The following S100P variants were observed in gnomAD, a reference collection of about 807,000 sequenced individuals.
The protein encoded by S100P is S100 calcium binding protein P, also known as protein S100-P.
In S100P, 7 loss-of-function variants were observed where a neutral mutation model predicts 4.7. The observed-to-expected ratio is 1.48, with a 90% CI of 0.84 to 2.77. S100P has a LOEUF of 2.77. Among genes scored for constraint, S100P ranks in the 30% most tolerant of loss-of-function variants. S100P has a pLI of 0.00. For missense variants in S100P, 122 were observed against 120.6 expected, an observed-to-expected ratio of 1.01 and a Z score of -0.06; for synonymous variants, 48 against 49.0, an observed-to-expected ratio of 0.98 and a Z score of 0.08.
chr4:6,696,462 G>A (rs1293950661), intron 1 of S100P, among the ~76,000 whole-genome samples: 1 of 152,204 alleles, frequency 6.6e-6, no homozygotes, highest in African/African-American at 2.4e-5. Flanking sequence ...GTGTTGAGGA[G>A]TTCCTGTTTG....
chr4:6,694,703 G>T (rs1714325154), intron 1 of S100P, among the ~76,000 whole-genome samples: 1 of 152,152 alleles, frequency 6.6e-6, no homozygotes, highest in East Asian at 1.9e-4. Flanking sequence ...TTCCGCCCGG[G>T]GCAGCCTCCG....
In S100P at chr4:6,694,011, A is replaced by T; in HGVS notation, c.79A>T (p.Thr27Ser). Residue 27 changes from threonine (T) to serine (S), a missense_variant, in exon 1 of 2, where the codon ACC (threonine) becomes TCC (serine). Thr to Ser is a moderately conservative substitution (Grantham distance 58). Transcript: ENST00000296370. ...TTCGGGCAGCGAGGGCAGCACGCAG[A>T]CCCTGACCAAGGGGGAGCTCAAGGT... ...RYSGSEGSTQ[T>S]LTKGELKVLM... 1 of 1,614,020 alleles carries T rather than the reference A, an allele frequency of 6.2e-7. No homozygotes were observed.
rs1714351796 is a variant in S100P at position 6,695,518 on chromosome 4, G to A, written c.139-1375G>A. 5.3e-5 allele frequency among the ~76,000 whole-genome samples: 8 copies of A among 152,254 alleles called. No homozygotes were observed. The South Asian group carries it at 1.7e-3, about 32-fold the overall frequency. On this transcript the variant is annotated intron_variant, in intron 1 of 1. Coordinates refer to ENST00000296370, the MANE Select transcript of S100P (RefSeq NM_005980.3). The stretch of plus-strand genomic sequence containing the variant: ...ACTCTGATGTTCATTAAACACCCCA[G>A]CCCCATCCTGGGAACTTGGGCTTGG...
chr4:6,695,511 C>T (rs1448798870), intron 1 of S100P, among the ~76,000 whole-genome samples: 1 of 152,174 alleles, frequency 6.6e-6, no homozygotes, highest in Non-Finnish European at 1.5e-5. Context: ...GTTCATTAAA[C>T]ACCCCAGCCC....
intron 1 of S100P, among the ~76,000 whole-genome samples, chr4:6,695,866 C>G (rs1714361713): frequency 6.6e-6 from 1 of 152,246 alleles, no homozygotes. Flanking sequence ...GCGCCCCGCA[C>G]AGTCGGAGCT....
rs747328195 is a variant in S100P, at chr4:6,697,138, T to C, written c.*96T>C. On this transcript the variant is annotated 3_prime_UTR_variant, in exon 2 of 2. Coordinates refer to ENST00000296370, the MANE Select transcript of S100P (RefSeq NM_005980.3). ...TATTCCCCTAGGCTGAGCCTGCTCA[T>C]GTACCTCTGATTAATAAATGCTTAT... 3.7e-5 allele frequency: 35 copies of C among 947,892 alleles called. 1 individual carries two copies. Among genetic ancestry groups the C allele is most frequent in the Non-Finnish European group, 5.0e-5 (31 of 625,416 alleles). The allele number at this position is 947,892 out of a possible 1,614,324, so 58.7% of individuals were successfully genotyped here. A position where few individuals can be genotyped will look rare whatever the true frequency, so the allele number is the denominator to read the frequency against.
At chr4:6,696,848 G>A (rs766177323) in intron 1 of S100P, 45 bp from the exon 2 acceptor site, 1 of 1,581,398 alleles carries the variant, frequency 6.3e-7, no homozygotes, top group Admixed American at 1.7e-5. Flanking sequence ...CTGAGGCCCT[G>A]CACAGGCACC....
Position 6,696,280 on chromosome 4 carries a change from C to A in S100P, c.139-613C>A, listed in dbSNP as rs149759853. Among the ~76,000 whole-genome samples, 913 of 152,304 alleles carry A rather than the reference C, an allele frequency of 6.0e-3. 5 individuals carry two copies. Among genetic ancestry groups the A allele is most frequent in the African/African-American group, 0.02 (834 of 41,548 alleles). On this transcript the variant is annotated intron_variant, in intron 1 of 1. Coordinates refer to ENST00000296370, the MANE Select transcript of S100P (RefSeq NM_005980.3). ...AAAGAAGACCTGAGAGCTTGGGACC[C>A]AAGCAGAGAGGAAGAACAGGGCTCA...
At chr4:6,696,744 G>A in intron 1 of S100P, 149 bp from the exon 2 acceptor site, 2 of 572,066 alleles carry the variant, frequency 3.5e-6, no homozygotes, top group Non-Finnish European at 6.1e-6. Flanking sequence ...GGAATGCCAT[G>A]TGTCTGCTAT....
chr4:6,696,069 T>A (rs1340705841), intron 1 of S100P, among the ~76,000 whole-genome samples: 1 of 152,238 alleles, frequency 6.6e-6, no homozygotes, highest in Non-Finnish European at 1.5e-5. Context: ...TCAGATGATA[T>A]GTTTCTACCA....
chr4:6,694,567 GGGA>G (rs1714321966), intron 1 of S100P, among the ~76,000 whole-genome samples: 1 of 152,146 alleles, frequency 6.6e-6, no homozygotes, highest in Non-Finnish European at 1.5e-5. Flanking sequence ...CAGGAAGGAC[GGGA>G]GGAGGCTCCA....
At chr4:6,696,167 C>A (rs547608893) in intron 1 of S100P, among the ~76,000 whole-genome samples, 1 of 152,212 alleles carries the variant, frequency 6.6e-6, no homozygotes, top group South Asian at 2.1e-4. Flanking sequence ...CTGTTCAGAT[C>A]TGCATCCTGG....
chr4:6,696,311 C>T (rs1714371110), intron 1 of S100P, among the ~76,000 whole-genome samples: 1 of 152,198 alleles, frequency 6.6e-6, no homozygotes, highest in African/African-American at 2.4e-5. Context: ...GCTCAGGGTG[C>T]TTGCTCCATG....
In S100P at chr4:6,697,104, G is replaced by T; in HGVS notation, c.*62G>T. 3 of 1,424,990 alleles carry T rather than the reference G, an allele frequency of 2.1e-6. No individual in the cohort carries two copies. The highest frequency in any genetic ancestry group is 1.3e-5 in the South Asian group (1 of 78,640). The allele number at this position is 1,424,990 out of a possible 1,614,324, so 88.3% of individuals were successfully genotyped here. ...GGTCCCAGGCTTCCCAAAAGTGTTTGTTGGCAATTATTCCCCTAGGCTGAG... is the reference window on the plus strand; with the variant it reads ...GGTCCCAGGCTTCCCAAAAGTGTTTTTTGGCAATTATTCCCCTAGGCTGAG... On this transcript the variant is annotated 3_prime_UTR_variant, in exon 2 of 2. Coordinates refer to ENST00000296370, the MANE Select transcript of S100P (RefSeq NM_005980.3).
chr4:6,694,308 T>G (rs749304632), intron 1 of S100P, among the ~76,000 whole-genome samples: 2 of 152,168 alleles, frequency 1.3e-5, no homozygotes, highest in African/African-American at 4.8e-5. Flanking sequence ...CCTTGAAACA[T>G]GGGGTTGACC....
chr4:6,694,111 G>A (rs1484358419), intron 1 of S100P, 41 bp downstream of exon 1: 1 of 1,557,854 alleles, frequency 6.4e-7, no homozygotes, highest in Non-Finnish European at 8.7e-7. Context: ...GGGGGCTGGG[G>A]AAGAAGGGGA....
intron 1 of S100P, among the ~76,000 whole-genome samples, chr4:6,695,450 T>C (rs1714350024): frequency 2.0e-5 from 3 of 152,240 alleles, no homozygotes; most frequent in Admixed American, 2.0e-4. Context: ...TTACATGCAA[T>C]GTAATTTCTT....
At position 6,696,923 on chromosome 4, in the gene S100P, T is replaced by C. The variant is rs1047174409; in HGVS notation, c.169T>C (p.Leu57=). 1.2e-6 allele frequency: 2 copies of C among 1,614,018 alleles called. No individual in the cohort carries two copies. Among genetic ancestry groups the C allele is most frequent in the Non-Finnish European group, 1.7e-6 (2 of 1,179,922 alleles). The change falls in exon 2 of 2, where the codon TTG becomes CTG. Residue 57 remains leucine (L), a synonymous_variant. Transcript: ENST00000296370. The part of the protein sequence containing the change: ...SGKDKDAVDK[L]LKDLDANGDA... ...AAAAGACAAGGATGCCGTGGATAAA[T>C]TGCTCAAGGACCTGGACGCCAATGG...
intron 1 of S100P, 30 bp downstream of exon 1, chr4:6,694,100 C>T (rs376830218): frequency 6.1e-5 from 96 of 1,576,704 alleles, no homozygotes; most frequent in Non-Finnish European, 7.4e-5. Flanking sequence ...CTGGACTCAG[C>T]GGGGGCTGGG....
Sources: allele counts gnomAD v4.1 joint callset (sites outside exome capture counted in the v4.1 genomes callset), GRCh38; gene constraint gnomAD v4.1.1; transcripts MANE v1.5; gene names NCBI Gene and HGNC (gene_info 2026-07-23, HGNC 2026-07-21).